The following HMCN1 variants were observed in gnomAD, a reference collection of about 807,000 sequenced individuals.
HMCN1 encodes hemicentin 1.
In HMCN1, 321 loss-of-function variants were observed where a neutral mutation model predicts 625.9. The observed-to-expected ratio is 0.51, with a 90% CI of 0.47 to 0.56. HMCN1 has a LOEUF of 0.56. HMCN1 is among the 20% of genes least tolerant of loss of function. The pLI is 0.00. For synonymous variants in HMCN1, 2,425 were observed against 2,417.6 expected (o/e 1.00, Z -0.09); for missense variants, 6,588 against 6,887.3 (o/e 0.96, Z 1.54).
At chr1:185,837,157 A>G (rs1661220850) in intron 1 of HMCN1, among the ~76,000 whole-genome samples, 1 of 151,800 alleles carries the variant, frequency 6.6e-6, no homozygotes, top group South Asian at 2.1e-4. Flanking sequence ...ATGAACATAT[A>G]TGTATCACAA....
chr1:185,881,105 C>T (rs1055945310), intron 4 of HMCN1, among the ~76,000 whole-genome samples: 1 of 152,178 alleles, frequency 6.6e-6, no homozygotes, highest in Non-Finnish European at 1.5e-5. Context: ...GTTAACAGCT[C>T]AGTGGGCCCT....
Position 185,990,268 on chromosome 1 carries a change from A to G in HMCN1, c.3209-7A>G. The stretch of plus-strand genomic sequence containing the variant: ...TGTTTCCCTTCCAAAACATGTGTTT[A>G]TTTTAGTAAGGCCCAGAGTGTTTGG... On this transcript the variant is annotated splice_region_variant and splice_polypyrimidine_tract_variant and intron_variant, in intron 21 of 106. Transcript: ENST00000271588. 2 of 1,613,280 alleles carry G rather than the reference A, an allele frequency of 1.2e-6. No homozygotes were observed. The highest frequency in any genetic ancestry group is 1.7e-6 in the Non-Finnish European group (2 of 1,179,232).
chr1:186,030,942 C>T (rs965032029), intron 36 of HMCN1, among the ~76,000 whole-genome samples: 1 of 151,570 alleles, frequency 6.6e-6, no homozygotes. Flanking sequence ...CTCTTTTTCC[C>T]CTCTTTTGTG....
chr1:186,139,583 T>G (rs1649822805), intron 89 of HMCN1, among the ~76,000 whole-genome samples: 1 of 151,878 alleles, frequency 6.6e-6, no homozygotes, highest in East Asian at 1.9e-4. Flanking sequence ...TTTTGTTCAC[T>G]ATTCTATTGG....
chr1:186,182,219 C>T lies in HMCN1; in HGVS notation c.16346C>T (p.Thr5449Ile), dbSNP rs374177364. The T allele has an allele frequency of 2.4e-5, 38 of 1,613,186 alleles. No homozygotes were observed. The highest frequency in any genetic ancestry group is 3.2e-5 in the Non-Finnish European group (38 of 1,179,384). Residue 5449 changes from threonine to isoleucine, a missense_variant, in exon 105 of 107, where the codon ACC (threonine) becomes ATC (isoleucine). Physicochemically the swap from Thr to Ile is moderately conservative, Grantham distance 89 (BLOSUM62 -1). Coordinates refer to ENST00000271588, the MANE Select transcript of HMCN1 (RefSeq NM_031935.3). ...TDACQHECKN[T>I]FGSYQCICPP... ...GCCTGCCAGCATGAGTGTAAGAATA[C>T]CTTTGGAAGTTATCAGTGCATCTGC... is the stretch of plus-strand genomic sequence containing the variant.
Position 185,970,466 on chromosome 1 carries a change from A to G in HMCN1, c.2344A>G (p.Thr782Ala), listed in dbSNP as rs1650736299. 1 of 1,613,962 alleles carries G rather than the reference A, an allele frequency of 6.2e-7. No homozygotes were observed. The highest frequency in any genetic ancestry group is 2.2e-5 in the East Asian group (1 of 44,874). The change falls in exon 15 of 107, where the codon ACT becomes GCT. Residue 782 changes from threonine to alanine, a missense_variant. By Grantham distance (58) the Thr-to-Ala change is moderately conservative (BLOSUM62 0). Coordinates refer to ENST00000271588, the MANE Select transcript of HMCN1 (RefSeq NM_031935.3). Reference sequence around the variant, plus strand: ...AGCCATCAATGAGGCTGGAAGAGCAACTGGCAAGATAACTCTGGATGTTGG... The same window carrying G: ...AGCCATCAATGAGGCTGGAAGAGCAGCTGGCAAGATAACTCTGGATGTTGG... ...CVAINEAGRA[T>A]GKITLDVGSP...
At chr1:186,127,906 A>C (rs954641270) in intron 82 of HMCN1, among the ~76,000 whole-genome samples, 172 bp from the exon 83 acceptor site, 1 of 152,178 alleles carries the variant, frequency 6.6e-6, no homozygotes, top group Non-Finnish European at 1.5e-5. Context: ...ACTTCTATAC[A>C]TTTTAAATTA....
chr1:185,762,356 T>A (rs540336581), intron 1 of HMCN1, among the ~76,000 whole-genome samples: 1 of 152,304 alleles, frequency 6.6e-6, no homozygotes, highest in South Asian at 2.1e-4. Flanking sequence ...TGCCTTAGTG[T>A]GTATTTGAGT....
At chr1:185,851,394 G>T (rs977764234) in intron 2 of HMCN1, among the ~76,000 whole-genome samples, 3 of 152,024 alleles carry the variant, frequency 2.0e-5, no homozygotes, top group African/African-American at 4.8e-5. Context: ...TTTTCTTCTA[G>T]AGATATGGAA....
chr1:186,067,421 T>C (rs1658197985), intron 49 of HMCN1, among the ~76,000 whole-genome samples: 2 of 152,140 alleles, frequency 1.3e-5, no homozygotes, highest in Admixed American at 1.3e-4. Context: ...CTCTTACTAG[T>C]CTCTGCTTTC....
rs1655457727 is a variant in HMCN1 at position 186,031,815 on chromosome 1, A to G, written c.5750-6119A>G. 1.3e-5 allele frequency among the ~76,000 whole-genome samples: 2 copies of G among 151,810 alleles called. 1 individual carries two copies. The highest frequency in any genetic ancestry group is 4.2e-4 in the South Asian group (2 of 4,804). ...TGTTGAGTTTTTATTACACTTTAGA[A>G]TTTTCATTTGGCTTTTAAAAGTAAT... On this transcript the variant is annotated intron_variant, in intron 36 of 106. Coordinates refer to ENST00000271588, the MANE Select transcript of HMCN1 (RefSeq NM_031935.3).
chr1:186,111,137 G>T (rs10911821), intron 71 of HMCN1, among the ~76,000 whole-genome samples: 5 of 150,276 alleles, frequency 3.3e-5, no homozygotes, highest in South Asian at 2.1e-4. Flanking sequence ...CCCACCACCA[G>T]GCCCGGCTAC....
At chr1:185,782,767 G>C (rs921640086) in intron 1 of HMCN1, among the ~76,000 whole-genome samples, 10 of 152,016 alleles carry the variant, frequency 6.6e-5, no homozygotes, top group Admixed American at 2.0e-4. Context: ...TTGTCTCTGG[G>C]TGCCCTTAAC....
At chr1:185,927,116 C>G (rs1406504852) in intron 9 of HMCN1, among the ~76,000 whole-genome samples, 3 of 152,120 alleles carry the variant, frequency 2.0e-5, no homozygotes, top group Admixed American at 2.0e-4. Flanking sequence ...GATTCAGAAC[C>G]CAAAGAATCG....
At chr1:185,939,219 A>G (rs1422306258) in intron 11 of HMCN1, among the ~76,000 whole-genome samples, 1 of 152,220 alleles carries the variant, frequency 6.6e-6, no homozygotes, top group African/African-American at 2.4e-5. Context: ...CTCAGAAACT[A>G]TGGCTGTTTG....
intron 15 of HMCN1, among the ~76,000 whole-genome samples, chr1:185,976,801 C>A (rs769663358): frequency 4.6e-4 from 70 of 152,132 alleles, no homozygotes; most frequent in South Asian, 8.3e-4. Context: ...TGGTAATTAT[C>A]ATTTCTAACC....
intron 2 of HMCN1, among the ~76,000 whole-genome samples, chr1:185,855,723 C>T (rs977501940): frequency 6.6e-6 from 1 of 152,094 alleles, no homozygotes; most frequent in Non-Finnish European, 1.5e-5. Context: ...GATCAGTTGC[C>T]GATGAGTTAA....
intron 4 of HMCN1, among the ~76,000 whole-genome samples, chr1:185,875,682 A>G (rs1229828342): frequency 6.6e-6 from 1 of 151,926 alleles, no homozygotes; most frequent in Non-Finnish European, 1.5e-5. Flanking sequence ...ACAGATCTCT[A>G]TTCCTTCTCT....
chr1:185,923,893 A>G (rs1382957297), intron 8 of HMCN1, among the ~76,000 whole-genome samples: 3 of 152,230 alleles, frequency 2.0e-5, no homozygotes, highest in African/African-American at 7.2e-5. Flanking sequence ...TAGTCAGTGT[A>G]AGAGCTGGAA....
Sources: allele counts gnomAD v4.1 joint callset (sites outside exome capture counted in the v4.1 genomes callset), GRCh38; gene constraint gnomAD v4.1.1; transcripts MANE v1.5; gene names NCBI Gene and HGNC (gene_info 2026-07-23, HGNC 2026-07-21).